The following ANKRD24 variants were observed in gnomAD, a reference collection of about 807,000 sequenced individuals.
ANKRD24 encodes the protein ankyrin repeat domain-containing protein 24.
A neutral mutation model predicts 127.8 loss-of-function variants in ANKRD24; 109 were observed. That is an observed-to-expected ratio of 0.85 (90% confidence interval 0.73 to 1.00). ANKRD24 has a LOEUF of 1.00. Among genes scored for constraint, ANKRD24 ranks in the 50% least tolerant of loss-of-function variants. The pLI is 0.00. For missense variants in ANKRD24, 1,648 were observed against 1,570.2 expected, an observed-to-expected ratio of 1.05 and a Z score of -0.84; for synonymous variants, 743 against 671.1, an observed-to-expected ratio of 1.11 and a Z score of -1.66.
chr19:4,207,923 C>G lies in ANKRD24; in HGVS notation c.787C>G (p.Leu263Val). The change falls in exon 10 of 22, where the codon CTG becomes GTG. Residue 263 changes from leucine (L) to valine (V), a missense_variant. By Grantham distance (32) the Leu-to-Val change is conservative. Coordinates refer to ENST00000318934, the MANE Select transcript of ANKRD24 (RefSeq NM_001393985.1). ...YGALAGDKLI[L>V]HLLQEAAQRP... ...CGCCCTGGCGGGGGACAAACTCATC[C>G]TGCACCTTCTGCAAGAGGCGGCCCA... 1 of 1,546,298 alleles carries G rather than the reference C, an allele frequency of 6.5e-7. No individual in the cohort carries two copies. Among genetic ancestry groups the G allele is most frequent in the Non-Finnish European group, 8.7e-7 (1 of 1,148,222 alleles).
chr19:4,191,725 G>A (rs1023060692), intron 2 of ANKRD24, among the ~76,000 whole-genome samples: 7 of 151,356 alleles, frequency 4.6e-5, no homozygotes, highest in African/African-American at 1.7e-4. Flanking sequence ...CAGATGATCC[G>A]CCTGCCTCAG....
chr19:4,222,918 CAT>C, intron 20 of ANKRD24, 123 bp downstream of exon 20: 1 of 1,131,562 alleles, frequency 8.8e-7, no homozygotes, highest in Non-Finnish European at 1.2e-6. Flanking sequence ...GTGGGGTCCA[CAT>C]CACATGCACG....
At chr19:4,186,166 A>G (rs1184484482) in intron 1 of ANKRD24, 5 of 1,071,560 alleles carry the variant, frequency 4.7e-6, no homozygotes, top group East Asian at 6.8e-5. Flanking sequence ...TCAAGAAAGG[A>G]TCATTTCTGT....
chr19:4,201,982 A>C, intron 5 of ANKRD24, 44 bp from the exon 6 acceptor site: 1 of 1,556,934 alleles, frequency 6.4e-7, no homozygotes, highest in East Asian at 2.2e-5. Context: ...GCTGGGAGCT[A>C]CTTGAATAGC....
At position 4,210,064 on chromosome 19, in the gene ANKRD24, A is replaced by T; in HGVS notation, c.877A>T (p.Met293Leu). Residue 293 changes from methionine to leucine, a missense_variant, in exon 12 of 22, where the codon ATG becomes TTG. Physicochemically the swap from Met to Leu is conservative, Grantham distance 15. Transcript: ENST00000318934. ...CTCTCCCCTCCCTTCCCAGAACTCT[A>T]TGTCCAGCCATGGAAAGCAGGGGGC... The part of the protein sequence containing the change: ...DSGEASSQNS[M>L]SSHGKQGAPK... The T allele has an allele frequency of 1.9e-6, 3 of 1,610,520 alleles. No homozygotes were observed. The highest frequency in any genetic ancestry group is 2.5e-6 in the Non-Finnish European group (3 of 1,178,362).
chr19:4,221,640 C>CA (rs1484904411), intron 19 of ANKRD24, among the ~76,000 whole-genome samples: 1 of 152,158 alleles, frequency 6.6e-6, no homozygotes, highest in Non-Finnish European at 1.5e-5. Flanking sequence ...ACGAGACACC[C>CA]AGAGTCCCAG....
chr19:4,209,151 C>T (rs1001878912), intron 11 of ANKRD24, among the ~76,000 whole-genome samples: 1 of 152,102 alleles, frequency 6.6e-6, no homozygotes, highest in Admixed American at 6.6e-5. Flanking sequence ...CACTCTGTCG[C>T]CCAGGCTGGA....
intron 13 of ANKRD24, among the ~76,000 whole-genome samples, chr19:4,211,492 A>G (rs1693423642): frequency 6.6e-6 from 1 of 151,970 alleles, no homozygotes. Context: ...TACAAAAAAA[A>G]AATTAGCTGG....
Position 4,224,209 on chromosome 19 carries a change from C to T in ANKRD24, c.3363+17C>T. 1 of 1,605,578 alleles carries T rather than the reference C, an allele frequency of 6.2e-7. No homozygotes were observed. On this transcript the variant is annotated intron_variant, in intron 21 of 21. Coordinates refer to ENST00000318934, the MANE Select transcript of ANKRD24 (RefSeq NM_001393985.1). ...GCCATTCAGGTGAGTGGCCCAGCTC[C>T]TGGGTACCCGGTGGCTTTGGGCATA...
chr19:4,196,759 A>G (rs966015118), intron 2 of ANKRD24, among the ~76,000 whole-genome samples: 4 of 152,194 alleles, frequency 2.6e-5, no homozygotes, highest in African/African-American at 9.7e-5. Flanking sequence ...GCTGCGTGGC[A>G]TCCAGTGGGC....
intron 5 of ANKRD24, among the ~76,000 whole-genome samples, chr19:4,200,513 T>G (rs1969039767): frequency 6.6e-6 from 1 of 151,840 alleles, no homozygotes. Context: ...GGTTTTGTTG[T>G]TTTGTTTTTC....
chr19:4,209,143 C>T (rs1048259053), intron 11 of ANKRD24, among the ~76,000 whole-genome samples: 1 of 152,102 alleles, frequency 6.6e-6, no homozygotes, highest in Admixed American at 6.6e-5. Context: ...TGGAGTCTCA[C>T]TCTGTCGCCC....
At chr19:4,210,989 A>G (rs1246857491) in intron 13 of ANKRD24, among the ~76,000 whole-genome samples, 1 of 151,564 alleles carries the variant, frequency 6.6e-6, no homozygotes, top group Admixed American at 6.6e-5. Context: ...GCCCACCACC[A>G]CATCCAGCTA....
At chr19:4,216,119 G>T in intron 16 of ANKRD24, 69 bp downstream of exon 16, 1 of 1,493,562 alleles carries the variant, frequency 6.7e-7, no homozygotes, top group Non-Finnish European at 9.1e-7. Context: ...CGGAGCCTCT[G>T]GGTGTGGGGG....
intron 5 of ANKRD24, among the ~76,000 whole-genome samples, chr19:4,201,136 G>A (rs1350575672): frequency 2.0e-5 from 3 of 152,094 alleles, no homozygotes; most frequent in Non-Finnish European, 2.9e-5. Context: ...GCTGGGTTAC[G>A]AGGAGAACTT....
At position 4,223,232 on chromosome 19, in the gene ANKRD24, C is replaced by T. The variant is rs141921902; in HGVS notation, c.3297+437C>T. 3.1e-3 allele frequency among the ~76,000 whole-genome samples: 475 copies of T among 151,282 alleles called. 3 individuals carry two copies. The highest frequency in any genetic ancestry group is 0.011 in the African/African-American group (439 of 41,148). On this transcript the variant is annotated intron_variant, in intron 20 of 21. Transcript: ENST00000318934. ...ACAGGCATAAGCCACTGCTCCTGGC[C>T]GCCCTCTGCCTTTTTTTTGGACATA... is the stretch of plus-strand genomic sequence containing the variant.
intron 1 of ANKRD24, 22 bp from the exon 2 acceptor site, chr19:4,186,368 C>T: frequency 6.4e-7 from 1 of 1,558,104 alleles, no homozygotes. Context: ...CCTCACCTTA[C>T]CCCCACCCTT....
chr19:4,207,962 C>A lies in ANKRD24; in HGVS notation c.826C>A (p.Pro276Thr). 6.7e-7 allele frequency: 1 copy of A among 1,497,998 alleles called. No individual in the cohort carries two copies. Among genetic ancestry groups the A allele is most frequent in the Non-Finnish European group, 8.9e-7 (1 of 1,125,856 alleles). 92.8% of individuals were successfully genotyped at this position (1,497,998 alleles called of 1,614,324 possible). A position where few individuals can be genotyped will look rare whatever the true frequency, so the allele number is the denominator to read the frequency against. Residue 276 changes from proline (P) to threonine (T), a missense_variant, in exon 10 of 22, where the codon CCC (proline) becomes ACC (threonine). Coordinates refer to ENST00000318934, the MANE Select transcript of ANKRD24 (RefSeq NM_001393985.1). The part of the protein sequence containing the change: ...LQEAAQRPSP[P>T]SALTEDDSGE... ...AGAGGCGGCCCAGCGCCCCTCCCCACCCAGCGGTATGCAAGCCCCACCTCC... is the reference window on the plus strand; with the variant it reads ...AGAGGCGGCCCAGCGCCCCTCCCCAACCAGCGGTATGCAAGCCCCACCTCC...
Position 4,212,697 on chromosome 19 carries a change from A to AG in ANKRD24, c.1197+1dup. 1 of 1,533,752 alleles carries AG rather than the reference A, an allele frequency of 6.5e-7. No homozygotes were observed. Among genetic ancestry groups the AG allele is most frequent in the Non-Finnish European group, 8.8e-7 (1 of 1,136,086 alleles). On this transcript the variant is annotated frameshift_variant and splice_region_variant, in exon 15 of 22. Transcript: ENST00000318934. LOFTEE classifies it high-confidence loss of function. ...TTGCAGAGCCGGCTGTCCCTGCTGG[A>AG]GGTAGGAGCAGTGATGAGTCAGGGC...
Sources: allele counts gnomAD v4.1 joint callset (sites outside exome capture counted in the v4.1 genomes callset), GRCh38; gene constraint gnomAD v4.1.1; transcripts MANE v1.5; gene names NCBI Gene and HGNC (gene_info 2026-07-23, HGNC 2026-07-21).